OR1J2: variants seen among roughly 807,000 people sequenced by gnomAD.
OR1J2 encodes the protein olfactory receptor 1J2.
For missense variants in OR1J2, 304 were observed against 246.1 expected, an observed-to-expected ratio of 1.24 and a Z score of -1.57; for synonymous variants, 142 against 99.7, an observed-to-expected ratio of 1.42 and a Z score of -2.52.
At chr9:122,478,117 A>G in the OR1J2 span, among the ~76,000 whole-genome samples, 1 of 152,246 alleles carries the variant, frequency 6.6e-6, no homozygotes, top group South Asian at 2.1e-4. Context: ...TTTAGTCGAT[A>G]TAGCTACTTT....
the OR1J2 span, among the ~76,000 whole-genome samples, chr9:122,487,557 G>A: frequency 6.6e-6 from 1 of 151,964 alleles, no homozygotes; most frequent in African/African-American, 2.4e-5. Context: ...AATATTGTCA[G>A]CTCCTTGGTA....
chr9:122,539,096 G>A, the OR1J2 span, among the ~76,000 whole-genome samples: 10 of 151,988 alleles, frequency 6.6e-5, no homozygotes, highest in South Asian at 2.1e-4. Flanking sequence ...TTTCAAAAGC[G>A]TCCCTTTTGT....
At chr9:122,496,056 C>T in the OR1J2 span, among the ~76,000 whole-genome samples, 2 of 152,168 alleles carry the variant, frequency 1.3e-5, no homozygotes, top group African/African-American at 2.4e-5. Flanking sequence ...AGTCTTGCAA[C>T]GTGGGTACCA....
the OR1J2 span, among the ~76,000 whole-genome samples, chr9:122,565,598 G>A: frequency 6.6e-6 from 1 of 152,216 alleles, no homozygotes. Context: ...AGGGTGATTA[G>A]CCAATTACTT....
Position 122,510,988 on chromosome 9 carries a change from C to G in OR1J2, c.187C>G (p.Leu63Val), listed in dbSNP as rs920954562. ...CCTTCACACCCCCATGTACTTCTTC[C>G]TCAGCCACTTGGCTCTCACTGACAT... ...SHLHTPMYFF[L>V]SHLALTDISF... The change falls in exon 1 of 1, where the codon CTC becomes GTC. Residue 63 changes from leucine to valine, a missense_variant. Physicochemically the swap from Leu to Val is conservative, Grantham distance 32 (BLOSUM62 1). Coordinates refer to ENST00000335302, the MANE Select transcript of OR1J2 (RefSeq NM_054107.1). The G allele has an allele frequency of 5.0e-6, 8 of 1,610,570 alleles. No homozygotes were observed. The African/African-American group carries it at 1.1e-4, about 22-fold the overall frequency.
chr9:122,477,129 G>A, the OR1J2 span: 1 of 1,614,012 alleles, frequency 6.2e-7, no homozygotes, highest in Non-Finnish European at 8.5e-7. Flanking sequence ...TGTCATTGGT[G>A]TTGCTGGATG....
At chr9:122,462,779 C>G in the OR1J2 span, among the ~76,000 whole-genome samples, 1 of 152,180 alleles carries the variant, frequency 6.6e-6, no homozygotes, top group Non-Finnish European at 1.5e-5. Context: ...AGGGTTTCTT[C>G]TGAGAAATCT....
At chr9:122,451,903 G>A in the OR1J2 span, among the ~76,000 whole-genome samples, 2 of 152,008 alleles carry the variant, frequency 1.3e-5, no homozygotes, top group Non-Finnish European at 2.9e-5. Context: ...CTTTGAGACG[G>A]AGTCTCGCTC....
chr9:122,462,675 T>G, the OR1J2 span, among the ~76,000 whole-genome samples: 2 of 152,244 alleles, frequency 1.3e-5, no homozygotes, highest in Admixed American at 6.5e-5. Flanking sequence ...TTCCTTCATT[T>G]ATGAATCTTA....
chr9:122,526,683 A>G, the OR1J2 span: 1 of 1,614,198 alleles, frequency 6.2e-7, no homozygotes, highest in Non-Finnish European at 8.5e-7. Context: ...GACGATGAGT[A>G]CGGTGCCTCC....
chr9:122,462,181 C>T, the OR1J2 span, among the ~76,000 whole-genome samples: 1 of 152,020 alleles, frequency 6.6e-6, no homozygotes, highest in Non-Finnish European at 1.5e-5. Context: ...TCCTTCTTTG[C>T]CTTTTTAACT....
At chr9:122,520,102 C>G in the OR1J2 span, 3 of 1,566,154 alleles carry the variant, frequency 1.9e-6, no homozygotes, top group South Asian at 3.4e-5. Flanking sequence ...TTCTTTATAA[C>G]AGACATATGT....
chr9:122,501,604 A>AT, the OR1J2 span, among the ~76,000 whole-genome samples: 16 of 150,984 alleles, frequency 1.1e-4, no homozygotes, highest in East Asian at 1.9e-4. Flanking sequence ...AGAAAGTAAG[A>AT]TTTTTTTTTT....
the OR1J2 span, chr9:122,553,372 C>G: frequency 6.2e-7 from 1 of 1,614,096 alleles, no homozygotes; most frequent in Admixed American, 1.7e-5. Flanking sequence ...GCCATCAGCT[C>G]TGACCCACAC....
At chr9:122,530,614 C>T in the OR1J2 span, among the ~76,000 whole-genome samples, 6 of 152,274 alleles carry the variant, frequency 3.9e-5, no homozygotes, top group Admixed American at 1.3e-4. Flanking sequence ...TTTTCATGCA[C>T]GTCTGTGTGA....
the OR1J2 span, chr9:122,553,109 G>T: frequency 8.2e-7 from 1 of 1,221,062 alleles, no homozygotes; most frequent in Non-Finnish European, 1.2e-6. Context: ...TTTTCTCCCA[G>T]CACAGTTCTG....
the OR1J2 span, among the ~76,000 whole-genome samples, chr9:122,573,337 G>C: frequency 0.18 from 26,879 of 152,234 alleles, 2,567 homozygotes; most frequent in Middle Eastern, 0.24. Context: ...TGCAATATCC[G>C]AAGGGAATGC....
the OR1J2 span, among the ~76,000 whole-genome samples, chr9:122,550,065 C>T: frequency 1.5e-5 from 2 of 135,008 alleles, no homozygotes; most frequent in Non-Finnish European, 3.1e-5. Context: ...TTCTTGTAGA[C>T]ATTTTTTACC....
At chr9:122,456,302 C>G in the OR1J2 span, among the ~76,000 whole-genome samples, 1 of 152,088 alleles carries the variant, frequency 6.6e-6, no homozygotes, top group African/African-American at 2.4e-5. Context: ...TGGAAGAGAT[C>G]CTATGCTTTT....
Sources: gnomAD v4.1 joint callset for allele counts (sites outside exome capture counted in the v4.1 genomes callset) on GRCh38, gnomAD v4.1.1 for gene constraint, MANE v1.5 for transcripts, NCBI Gene and HGNC (gene_info 2026-07-23, HGNC 2026-07-21) for gene names.